LCLAT1: variants seen among roughly 807,000 people sequenced by gnomAD.
LCLAT1 encodes the protein lysocardiolipin acyltransferase 1.
Under a neutral mutation model 30.7 loss-of-function variants are expected in LCLAT1, and 11 were observed. The ratio of observed to expected loss-of-function variants is 0.36; its 90% CI spans 0.23 to 0.59. The LOEUF (loss-of-function observed/expected upper bound fraction) is 0.59, where lower values mean the gene tolerates loss of function less well. Ranked by LOEUF, LCLAT1 falls within the 20% of genes least tolerant of loss-of-function variation. LCLAT1 has a pLI of 0.77. For synonymous variants in LCLAT1, 155 were observed against 151.3 expected (o/e 1.02, Z -0.18); for missense variants, 402 against 458.6 (o/e 0.88, Z 1.13).
chr2:30,521,349 AG>A (rs749211975), intron 1 of LCLAT1, among the ~76,000 whole-genome samples: 1 of 152,160 alleles, frequency 6.6e-6, no homozygotes, highest in Non-Finnish European at 1.5e-5. Flanking sequence ...ACTTGGTTTC[AG>A]GTTGCACCGT....
intron 2 of LCLAT1, among the ~76,000 whole-genome samples, chr2:30,532,265 T>C (rs1686017565): frequency 6.6e-6 from 1 of 152,346 alleles, no homozygotes; most frequent in African/African-American, 2.4e-5. Flanking sequence ...GTCTATTGGC[T>C]ATACCTTGTT....
chr2:30,500,285 G>T (rs557568369), intron 1 of LCLAT1, among the ~76,000 whole-genome samples: 1 of 152,194 alleles, frequency 6.6e-6, no homozygotes, highest in Non-Finnish European at 1.5e-5. Context: ...ATAAGAAATA[G>T]ATCTCTTATT....
chr2:30,480,770 G>A (rs563978328), intron 1 of LCLAT1, among the ~76,000 whole-genome samples: 1 of 152,154 alleles, frequency 6.6e-6, no homozygotes, highest in African/African-American at 2.4e-5. Context: ...GGGAAAATTC[G>A]AGCTCTTTCA....
chr2:30,574,913 G>C (rs897749674), intron 5 of LCLAT1, among the ~76,000 whole-genome samples: 2 of 152,210 alleles, frequency 1.3e-5, no homozygotes, highest in African/African-American at 4.8e-5. Context: ...CATGTCCTTA[G>C]AAAACAATGA....
intron 1 of LCLAT1, among the ~76,000 whole-genome samples, chr2:30,481,415 A>T (rs1683314329): frequency 6.6e-6 from 1 of 152,200 alleles, no homozygotes; most frequent in South Asian, 2.1e-4. Context: ...AGAGAAGACA[A>T]CTGATGGCTG....
At chr2:30,484,071 A>G (rs984193696) in intron 1 of LCLAT1, among the ~76,000 whole-genome samples, 3 of 152,190 alleles carry the variant, frequency 2.0e-5, no homozygotes, top group Non-Finnish European at 4.4e-5. Context: ...TTGTCTTCCC[A>G]GGTGGCCTCC....
rs76636769 is a variant in LCLAT1, at chr2:30,632,795, C to T, written c.629-7322C>T. On this transcript the variant is annotated intron_variant, in intron 5 of 5. Coordinates refer to ENST00000379509, the MANE Select transcript of LCLAT1 (RefSeq NM_001002257.3). ...AGGCTTATAGTGAGCATGCCAAAGC[C>T]GTAGAGCTGGTAAAAGGCAGGACTG... is the stretch of plus-strand genomic sequence containing the variant. Among the ~76,000 whole-genome samples the T allele has an allele frequency of 1.9e-3, 292 of 152,310 alleles. 1 individual carries two copies. The highest frequency in any genetic ancestry group is 6.8e-3 in the African/African-American group (284 of 41,558).
At chr2:30,579,194 A>G (rs960441764) in intron 5 of LCLAT1, among the ~76,000 whole-genome samples, 1 of 152,178 alleles carries the variant, frequency 6.6e-6, no homozygotes, top group African/African-American at 2.4e-5. Flanking sequence ...TGAAATTAAG[A>G]AAGACTTGAC....
chr2:30,535,957 T>C (rs1572588189), intron 3 of LCLAT1, among the ~76,000 whole-genome samples: 1 of 151,716 alleles, frequency 6.6e-6, no homozygotes. Flanking sequence ...TTCAGGAAAA[T>C]GGTAGATATC....
intron 5 of LCLAT1, among the ~76,000 whole-genome samples, chr2:30,598,076 C>T (rs1667008457): frequency 6.6e-6 from 1 of 152,184 alleles, no homozygotes; most frequent in East Asian, 1.9e-4. Context: ...CATCGATATT[C>T]ATCAGGGATA....
At chr2:30,623,221 T>G (rs1668352699) in intron 5 of LCLAT1, among the ~76,000 whole-genome samples, 2 of 151,844 alleles carry the variant, frequency 1.3e-5, no homozygotes, top group Non-Finnish European at 2.9e-5. Context: ...GCCCAGCTAA[T>G]TTTTTGTATT....
chr2:30,527,604 A>G (rs1033299478), intron 2 of LCLAT1, among the ~76,000 whole-genome samples: 1 of 152,122 alleles, frequency 6.6e-6, no homozygotes, highest in Non-Finnish European at 1.5e-5. Context: ...TGGTTTCACT[A>G]TTGGCCTTCC....
chr2:30,468,721 C>T (rs1682609053), intron 1 of LCLAT1, among the ~76,000 whole-genome samples: 1 of 152,208 alleles, frequency 6.6e-6, no homozygotes, highest in Non-Finnish European at 1.5e-5. Context: ...AACCACCAGT[C>T]TGCTTTCATT....
chr2:30,640,899 G>T lies in LCLAT1; in HGVS notation c.*280G>T, dbSNP rs968501041. The T allele has an allele frequency of 1.2e-5, 4 of 327,734 alleles. No individual in the cohort carries two copies. Among genetic ancestry groups the T allele is most frequent in the East Asian group, 7.9e-5 (1 of 12,632 alleles). The allele number at this position is 327,734 out of a possible 1,614,324, so 20.3% of individuals were successfully genotyped here. ...ACAATCATCAGGCTTTTAGCGACAA[G>T]GAACACACACATTTTTCTTAAAGGC... On this transcript the variant is annotated 3_prime_UTR_variant, in exon 6 of 6. Transcript: ENST00000379509.
chr2:30,606,300 A>G (rs1572689185), intron 5 of LCLAT1: 1 of 308,264 alleles, frequency 3.2e-6, no homozygotes, highest in East Asian at 1.3e-4. Flanking sequence ...AGCAAAAAGA[A>G]CACAGCTGGA....
At chr2:30,494,619 C>T (rs1325424633) in intron 1 of LCLAT1, among the ~76,000 whole-genome samples, 2 of 151,528 alleles carry the variant, frequency 1.3e-5, no homozygotes, top group African/African-American at 4.8e-5. Flanking sequence ...TGTATGCATA[C>T]ATGTATGTAA....
In LCLAT1 at chr2:30,454,156, A is replaced by T. The variant is rs1681705677; in HGVS notation, c.-5+6773A>T. On this transcript the variant is annotated intron_variant, in intron 1 of 5. Coordinates refer to ENST00000379509, the MANE Select transcript of LCLAT1 (RefSeq NM_001002257.3). ...TTTCTGAATATCCATGCTGAATGTAACTTACGGTAGCTACTTAGGGTGAGT... is the reference window on the plus strand; with the variant it reads ...TTTCTGAATATCCATGCTGAATGTATCTTACGGTAGCTACTTAGGGTGAGT... 2.6e-5 allele frequency among the ~76,000 whole-genome samples: 4 copies of T among 152,324 alleles called. No individual in the cohort carries two copies. In the South Asian group the frequency reaches 8.3e-4, roughly 32 times the overall value.
In LCLAT1 at chr2:30,643,695, C is replaced by T. The variant is rs1329856867; in HGVS notation, c.*3076C>T. On this transcript the variant is annotated 3_prime_UTR_variant, in exon 6 of 6. Coordinates refer to ENST00000379509, the MANE Select transcript of LCLAT1 (RefSeq NM_001002257.3). ...CTGTGTGCATTTACAATAAAGACTC[C>T]AACGGAGGGAGCCTGTTGGTGTTAA... The T allele has an allele frequency of 6.6e-6, 1 of 152,624 alleles. No homozygotes were observed. The highest frequency in any genetic ancestry group is 1.5e-5 in the Non-Finnish European group (1 of 68,030). The allele number at this position is 152,624 out of a possible 1,614,324, so 9.5% of individuals were successfully genotyped here. A position where few individuals can be genotyped will look rare whatever the true frequency, so the allele number is the denominator to read the frequency against.
chr2:30,490,389 TAG>T (rs956375921), intron 1 of LCLAT1, among the ~76,000 whole-genome samples: 7 of 151,918 alleles, frequency 4.6e-5, no homozygotes, highest in Non-Finnish European at 7.4e-5. Flanking sequence ...TTTTTTTTAG[TAG>T]AGACTGGGTT....
Sources: gnomAD v4.1 joint callset for allele counts (sites outside exome capture counted in the v4.1 genomes callset) on GRCh38, gnomAD v4.1.1 for gene constraint, MANE v1.5 for transcripts, NCBI Gene and HGNC (gene_info 2026-07-23, HGNC 2026-07-21) for gene names.